The following DPP6 variants were observed in gnomAD, a reference collection of about 807,000 sequenced individuals.
DPP6 encodes A-type potassium channel modulatory protein DPP6.
Under a neutral mutation model 122.6 loss-of-function variants are expected in DPP6, and 69 were observed. The observed-to-expected ratio is 0.56, with a 90% CI of 0.46 to 0.69. The LOEUF is 0.69. DPP6 is among the 30% of genes least tolerant of loss of function. The probability of loss-of-function intolerance (pLI) is 0.00; values close to 1 mark genes in which losing one functional copy is unlikely to be tolerated. For missense variants in DPP6, 928 were observed against 1,116.9 expected, an observed-to-expected ratio of 0.83 and a Z score of 2.41; for synonymous variants, 418 against 433.1, an observed-to-expected ratio of 0.97 and a Z score of 0.43.
At chr7:153,980,604 G>T (rs1046527174) in intron 1 of DPP6, among the ~76,000 whole-genome samples, 10 of 152,032 alleles carry the variant, frequency 6.6e-5, no homozygotes, top group African/African-American at 2.4e-4. Flanking sequence ...GAATGTATTT[G>T]CTCTTGCTTT....
intron 1 of DPP6, among the ~76,000 whole-genome samples, chr7:154,088,724 T>TA (rs1048343326): frequency 1.3e-5 from 2 of 151,546 alleles, no homozygotes; most frequent in African/African-American, 4.9e-5. Flanking sequence ...GATGACCAGT[T>TA]ATCTCTGGAG....
rs376971302 is a variant in DPP6 at position 154,543,810 on chromosome 7, G to A, written c.552+3184G>A. Among the ~76,000 whole-genome samples the A allele has an allele frequency of 5.7e-4, 86 of 152,000 alleles. 4 individuals are homozygous for A. The South Asian group carries it at 0.012, about 21-fold the overall frequency. ...GGAGTTCGAGACCAGCATGGCCAAT[G>A]TGGTGAAACCCCATCTCTACTAAAA... On this transcript the variant is annotated intron_variant, in intron 4 of 25. Transcript: ENST00000377770.
chr7:154,519,023 A>G (rs568340422), intron 3 of DPP6, among the ~76,000 whole-genome samples: 1 of 152,212 alleles, frequency 6.6e-6, no homozygotes, highest in South Asian at 2.1e-4. Flanking sequence ...ACTTACTACA[A>G]TATATTAATG....
chr7:153,829,840 C>T, the DPP6 span, among the ~76,000 whole-genome samples: 1 of 152,192 alleles, frequency 6.6e-6, no homozygotes, highest in Non-Finnish European at 1.5e-5. Context: ...GTTTCGGGTA[C>T]TCTTTACCTG....
intron 1 of DPP6, among the ~76,000 whole-genome samples, chr7:154,097,935 T>C (rs1311324231): frequency 6.6e-6 from 1 of 152,226 alleles, no homozygotes; most frequent in Admixed American, 6.5e-5. Context: ...AGCCCCTTCC[T>C]GTGATCTAGT....
intron 1 of DPP6, among the ~76,000 whole-genome samples, chr7:153,973,616 C>T (rs1016906948): frequency 8.8e-5 from 13 of 147,336 alleles, no homozygotes; most frequent in African/African-American, 3.0e-4. Flanking sequence ...CTTAGAGTAA[C>T]GTGTTCACCA....
chr7:153,764,107 C>G, the DPP6 span, among the ~76,000 whole-genome samples: 1 of 152,182 alleles, frequency 6.6e-6, no homozygotes, highest in Non-Finnish European at 1.5e-5. Flanking sequence ...TTTTCTGGCT[C>G]TTTTGCATCA....
intron 5 of DPP6, among the ~76,000 whole-genome samples, chr7:154,616,735 C>G (rs962633616): frequency 2.7e-4 from 41 of 152,170 alleles, no homozygotes; most frequent in African/African-American, 8.7e-4. Context: ...AACAGTGAAA[C>G]TAGGTCTTTA....
intron 1 of DPP6, among the ~76,000 whole-genome samples, chr7:154,340,774 G>A (rs1160149321): frequency 3.3e-5 from 5 of 152,048 alleles, no homozygotes; most frequent in Non-Finnish European, 7.4e-5. Context: ...CACCTTAGTC[G>A]CTGTTATTAT....
chr7:153,780,696 G>C, the DPP6 span, among the ~76,000 whole-genome samples: 1 of 152,146 alleles, frequency 6.6e-6, no homozygotes. Flanking sequence ...GAAAAATGAG[G>C]AGTAATTTCA....
chr7:154,191,011 T>C (rs973755929), intron 1 of DPP6, among the ~76,000 whole-genome samples: 10 of 152,354 alleles, frequency 6.6e-5, no homozygotes, highest in African/African-American at 2.4e-4. Context: ...TTGGCTATTA[T>C]TTGCTTAATA....
intron 1 of DPP6, among the ~76,000 whole-genome samples, chr7:154,188,342 C>T (rs971721819): frequency 3.9e-5 from 6 of 152,084 alleles, no homozygotes; most frequent in African/African-American, 1.4e-4. Context: ...CTTGGCTACA[C>T]CGAGGTCTAA....
In DPP6 at chr7:154,675,086, C is replaced by T. The variant is rs531833441; in HGVS notation, c.762+5645C>T. On this transcript the variant is annotated intron_variant, in intron 7 of 25. Transcript: ENST00000377770. The stretch of plus-strand genomic sequence containing the variant: ...GGTCACAGAATAGTTTATCGGAGAA[C>T]GTCAATAAATCCGCATTTAAATTGT... 8.5e-5 allele frequency among the ~76,000 whole-genome samples: 13 copies of T among 152,230 alleles called. No individual in the cohort carries two copies. The East Asian group carries it at 9.7e-4, about 11-fold the overall frequency.
rs112358078 is a variant in DPP6, at chr7:154,799,917, C to T, written c.1300-1438C>T. On this transcript the variant is annotated intron_variant, in intron 12 of 25. Coordinates refer to ENST00000377770, the MANE Select transcript of DPP6 (RefSeq NM_130797.4). ...AGACTCAGAGGCTTCACCTGTGTTC[C>T]GAGGAATGTTTCCCTGACAAGGTAG... is the stretch of plus-strand genomic sequence containing the variant. Among the ~76,000 whole-genome samples, 33 of 152,304 alleles carry T rather than the reference C, an allele frequency of 2.2e-4. No homozygotes were observed. In the East Asian group the frequency reaches 4.4e-3, roughly 20 times the overall value.
intron 1 of DPP6, among the ~76,000 whole-genome samples, chr7:154,347,240 C>A (rs963531636): frequency 6.6e-6 from 1 of 152,184 alleles, no homozygotes; most frequent in Admixed American, 6.5e-5. Context: ...AGACTACCAA[C>A]TCTCGATTCA....
chr7:154,701,963 C>T (rs571013613), intron 7 of DPP6, among the ~76,000 whole-genome samples: 2 of 152,210 alleles, frequency 1.3e-5, no homozygotes, highest in South Asian at 4.1e-4. Context: ...TTTGTAGCAA[C>T]CCTGCTTTGA....
rs1008888465 is a variant in DPP6, at chr7:154,723,495, A to C, written c.763-4272A>C. On this transcript the variant is annotated intron_variant, in intron 7 of 25. Transcript: ENST00000377770. ...AAAAAAAAAAAAGCTAAAACTTAGT[A>C]ATACATCTTACCCTTAGGCAAACTC... Among the ~76,000 whole-genome samples the C allele has an allele frequency of 2.6e-5, 4 of 151,892 alleles. No individual in the cohort carries two copies. The East Asian group carries it at 5.8e-4, about 22-fold the overall frequency.
intron 1 of DPP6, among the ~76,000 whole-genome samples, chr7:154,042,931 T>C (rs1350709317): frequency 3.9e-5 from 6 of 152,202 alleles, no homozygotes; most frequent in African/African-American, 1.4e-4. Context: ...CTCTATGCAT[T>C]GGCAATGCCA....
chr7:154,842,159 G>T (rs904932185), intron 16 of DPP6, among the ~76,000 whole-genome samples: 1 of 152,160 alleles, frequency 6.6e-6, no homozygotes, highest in Non-Finnish European at 1.5e-5. Context: ...CAATTATCTC[G>T]CTCGGCCAGA....
Sources: gnomAD v4.1 joint callset for allele counts (sites outside exome capture counted in the v4.1 genomes callset) on GRCh38, gnomAD v4.1.1 for gene constraint, MANE v1.5 for transcripts, NCBI Gene and HGNC (gene_info 2026-07-23, HGNC 2026-07-21) for gene names.